The following ZNF804B variants were observed in gnomAD, a reference collection of about 807,000 sequenced individuals.
ZNF804B encodes zinc finger protein 804B, also known as zinc finger 804B.
In ZNF804B, 80 loss-of-function variants were observed where a neutral mutation model predicts 101.4. That is an observed-to-expected ratio of 0.79 (90% CI 0.66 to 0.95). The LOEUF is 0.95. Ranked by LOEUF, ZNF804B falls within the 40% of genes least tolerant of loss-of-function variation. The pLI is 0.00. For synonymous variants in ZNF804B, 622 were observed against 558.8 expected (o/e 1.11, Z -1.59); for missense variants, 1,673 against 1,561.9 (o/e 1.07, Z -1.20).
In ZNF804B at chr7:88,843,779, A is replaced by C. The variant is rs1193518737; in HGVS notation, c.108+83695A>C. ...AAATAATAAAATAACAAATGAAGAC[A>C]ATGTCAAACTTATTGTATCTTACTT... is the stretch of plus-strand genomic sequence containing the variant. On this transcript the variant is annotated intron_variant, in intron 1 of 3. Transcript: ENST00000333190. 2.6e-5 allele frequency among the ~76,000 whole-genome samples: 4 copies of C among 152,012 alleles called. No individual in the cohort carries two copies. In the South Asian group the frequency reaches 8.3e-4, roughly 31 times the overall value.
At chr7:89,153,432 A>ATG (rs1790908357) in intron 1 of ZNF804B, among the ~76,000 whole-genome samples, 4 of 69,810 alleles carry the variant, frequency 5.7e-5, no homozygotes, top group South Asian at 5.8e-4. Context: ...TGATGATGAT[A>ATG]ATAATAATAA....
At chr7:89,101,058 T>A (rs1440846449) in intron 1 of ZNF804B, among the ~76,000 whole-genome samples, 7 of 152,062 alleles carry the variant, frequency 4.6e-5, no homozygotes, top group Admixed American at 4.6e-4. Flanking sequence ...TCATCATTTT[T>A]CTTCAAACTG....
chr7:89,236,077 T>C (rs1260097423), intron 2 of ZNF804B, among the ~76,000 whole-genome samples: 1 of 152,138 alleles, frequency 6.6e-6, no homozygotes, highest in Non-Finnish European at 1.5e-5. Flanking sequence ...GTAATAATAT[T>C]TGTCAATGAC....
rs527856734 is a variant in ZNF804B, at chr7:88,965,393, C to T, written c.108+205309C>T. ...AGCCCTGCATGAATCTTTGTAAGTC[C>T]ATGCGTAGAGTGGATATAGGGCTAG... On this transcript the variant is annotated intron_variant, in intron 1 of 3. Coordinates refer to ENST00000333190, the MANE Select transcript of ZNF804B (RefSeq NM_181646.5). Among the ~76,000 whole-genome samples, 7 of 151,488 alleles carry T rather than the reference C, an allele frequency of 4.6e-5. No individual in the cohort carries two copies. In the South Asian group the frequency reaches 8.3e-4, roughly 18 times the overall value.
At chr7:88,947,103 G>A (rs977425368) in intron 1 of ZNF804B, among the ~76,000 whole-genome samples, 21 of 151,974 alleles carry the variant, frequency 1.4e-4, no homozygotes, top group African/African-American at 5.1e-4. Context: ...GGAAGACAGT[G>A]TGGCAATTCC....
chr7:89,203,641 C>T (rs1325007465), intron 1 of ZNF804B, among the ~76,000 whole-genome samples: 2 of 151,998 alleles, frequency 1.3e-5, no homozygotes, highest in Non-Finnish European at 2.9e-5. Context: ...AAGCCTGGAG[C>T]CGCCAGTTTG....
At chr7:88,929,317 AC>A (rs1430384146) in intron 1 of ZNF804B, among the ~76,000 whole-genome samples, 1 of 150,594 alleles carries the variant, frequency 6.6e-6, no homozygotes, top group East Asian at 2.0e-4. Flanking sequence ...AGTGAATCTT[AC>A]TTTTCTACTA....
chr7:89,215,912 T>C (rs1258971346), intron 1 of ZNF804B, among the ~76,000 whole-genome samples: 1 of 149,560 alleles, frequency 6.7e-6, no homozygotes, highest in African/African-American at 2.4e-5. Flanking sequence ...AATAAATAAA[T>C]AAATAAATAA....
chr7:89,295,607 A>G (rs56244368), intron 2 of ZNF804B, among the ~76,000 whole-genome samples: 4,046 of 152,146 alleles, frequency 0.027, 191 homozygotes, highest in African/African-American at 0.092. Flanking sequence ...TATAAATTAT[A>G]CTTTGTTCTC....
chr7:88,831,571 CA>C (rs1296460224), intron 1 of ZNF804B, among the ~76,000 whole-genome samples: 48 of 146,490 alleles, frequency 3.3e-4, no homozygotes, highest in South Asian at 8.6e-4. Context: ...CAAAAACAAA[CA>C]AAAAAAAAAT....
At chr7:89,155,998 TCTTTCTTTCTTTCTCTCTTTC>T (rs1462235085) in intron 1 of ZNF804B, among the ~76,000 whole-genome samples, 4 of 129,690 alleles carry the variant, frequency 3.1e-5, no homozygotes, top group East Asian at 2.1e-4. Flanking sequence ...TTTCCTTCTT[TCTTTCTTTCTTTCTCTCTTTC>T]CTTTCTTTCT....
chr7:89,064,036 CTG>C, intron 1 of ZNF804B, among the ~76,000 whole-genome samples: 1 of 152,234 alleles, frequency 6.6e-6, no homozygotes, highest in South Asian at 2.1e-4. Flanking sequence ...GAAGCAGACT[CTG>C]AGACAGAGTT....
chr7:89,279,075 T>C (rs1370764858), intron 2 of ZNF804B, among the ~76,000 whole-genome samples: 1 of 152,164 alleles, frequency 6.6e-6, no homozygotes, highest in African/African-American at 2.4e-5. Context: ...ACATCCCTTG[T>C]AAGGTGGATT....
At chr7:89,072,992 T>C (rs140631175) in intron 1 of ZNF804B, among the ~76,000 whole-genome samples, 185 of 152,260 alleles carry the variant, frequency 1.2e-3, no homozygotes, top group African/African-American at 4.2e-3. Context: ...TTACTAGCCC[T>C]CAATCAGAGA....
intron 1 of ZNF804B, among the ~76,000 whole-genome samples, chr7:89,057,048 T>C (rs983409325): frequency 2.6e-5 from 4 of 152,088 alleles, no homozygotes; most frequent in Non-Finnish European, 5.9e-5. Context: ...GTCCCATTTC[T>C]CTGAGGGGGT....
Position 89,335,796 on chromosome 7 carries a change from AG to A in ZNF804B, c.2815del (p.Glu939AsnfsTer17). The A allele has an allele frequency of 6.2e-7, 1 of 1,614,110 alleles. No homozygotes were observed. The highest frequency in any genetic ancestry group is 1.3e-5 in the African/African-American group (1 of 75,036). On this transcript the variant is annotated frameshift_variant, in exon 4 of 4. Coordinates refer to ENST00000333190, the MANE Select transcript of ZNF804B (RefSeq NM_181646.5). LOFTEE classifies it high-confidence loss of function. ...AAAGAGTACAAGCCAAGAAATGTCA[AG>A]AACAATCAAGTAATGTTGAGATCTC... ...LERVQAKKCQ[E>X]QSSNVEISSN...
intron 1 of ZNF804B, among the ~76,000 whole-genome samples, chr7:88,889,006 T>C (rs948842372): frequency 6.6e-6 from 1 of 152,148 alleles, no homozygotes; most frequent in African/African-American, 2.4e-5. Context: ...TGTGTGCTCA[T>C]TGTTTAACTC....
At chr7:89,242,526 TCTC>T (rs1202981109) in intron 2 of ZNF804B, among the ~76,000 whole-genome samples, 2 of 151,876 alleles carry the variant, frequency 1.3e-5, no homozygotes, top group Admixed American at 6.6e-5. Flanking sequence ...TTAACCATAT[TCTC>T]CTGTTTCTAA....
chr7:89,156,771 CT>C, intron 1 of ZNF804B, among the ~76,000 whole-genome samples: 1 of 152,140 alleles, frequency 6.6e-6, no homozygotes, highest in East Asian at 1.9e-4. Flanking sequence ...TTTGAAGTGT[CT>C]GTATGTTTGG....
Sources: allele counts gnomAD v4.1 joint callset (sites outside exome capture counted in the v4.1 genomes callset), GRCh38; gene constraint gnomAD v4.1.1; transcripts MANE v1.5; gene names NCBI Gene and HGNC (gene_info 2026-07-23, HGNC 2026-07-21).